Variants in MAPRE3 observed in about 807,000 individuals in gnomAD.
MAPRE3 encodes the protein microtubule-associated protein RP/EB family member 3.
A neutral mutation model predicts 30.5 loss-of-function variants in MAPRE3; 2 were observed. That is an observed-to-expected ratio of 0.07 (90% CI 0.03 to 0.21). The LOEUF (loss-of-function observed/expected upper bound fraction) is 0.21, where lower values mean the gene tolerates loss of function less well. MAPRE3 is among the 10% of genes least tolerant of loss of function. The pLI, the probability that MAPRE3 is intolerant of heterozygous loss-of-function variation, is 1.00. For missense variants in MAPRE3, 204 were observed against 351.8 expected, an observed-to-expected ratio of 0.58 and a Z score of 3.36; for synonymous variants, 110 against 127.7, an observed-to-expected ratio of 0.86 and a Z score of 0.93.
intron 1 of MAPRE3, among the ~76,000 whole-genome samples, chr2:26,989,110 A>C (rs1191895270): frequency 6.6e-6 from 1 of 152,132 alleles, no homozygotes. Context: ...AATGTATCCC[A>C]CATTGATAAA....
intron 1 of MAPRE3, among the ~76,000 whole-genome samples, chr2:26,973,237 T>TA (rs1665947920): frequency 6.6e-6 from 1 of 152,236 alleles, no homozygotes; most frequent in Admixed American, 6.5e-5. Context: ...ATGCTATTGA[T>TA]AGTATTCCTG....
chr2:27,013,752 A>G (rs1200225572), intron 1 of MAPRE3: 1 of 152,256 alleles, frequency 6.6e-6, no homozygotes, highest in Non-Finnish European at 1.5e-5. Flanking sequence ...CAGGACCCTG[A>G]TCAGAGGGTC....
In MAPRE3 at chr2:26,985,396, T is replaced by C. The variant is rs1272552782; in HGVS notation, c.-8+14594T>C. ...TTAGCCAGAGAGCATTCTGGCAGCA[T>C]AGATCTGAGTTGGTGAAGCTATTCC... On this transcript the variant is annotated intron_variant, in intron 1 of 6. Coordinates refer to ENST00000233121, the MANE Select transcript of MAPRE3 (RefSeq NM_012326.4). This position sits in a 1 kb window ranked among gnomAD's most constrained non-coding sequence, Gnocchi z 4.2. 6.6e-6 allele frequency among the ~76,000 whole-genome samples: 1 copy of C among 152,236 alleles called. No homozygotes were observed. Among genetic ancestry groups the C allele is most frequent in the Non-Finnish European group, 1.5e-5 (1 of 68,042 alleles).
chr2:26,983,355 A>C (rs1263812299), intron 1 of MAPRE3, among the ~76,000 whole-genome samples: 1 of 152,020 alleles, frequency 6.6e-6, no homozygotes, highest in African/African-American at 2.4e-5. Flanking sequence ...AACTCTCCCC[A>C]AGTACTGCTC....
At position 27,016,574 on chromosome 2, in the gene MAPRE3, C is replaced by T. The variant is rs564363765; in HGVS notation, c.-7-5638C>T. Among the ~76,000 whole-genome samples the T allele has an allele frequency of 1.1e-4, 17 of 151,958 alleles. No homozygotes were observed. In the South Asian group the frequency reaches 1.9e-3, roughly 17 times the overall value. On this transcript the variant is annotated intron_variant, in intron 1 of 6. Coordinates refer to ENST00000233121, the MANE Select transcript of MAPRE3 (RefSeq NM_012326.4). ...TAATTTTTTGTATTTTTAGTAGAGA[C>T]GGGGTTTCACCGTGTTAGCCAAGAT... is the stretch of plus-strand genomic sequence containing the variant.
chr2:27,016,351 G>A (rs1260594871), intron 1 of MAPRE3, among the ~76,000 whole-genome samples: 1 of 145,184 alleles, frequency 6.9e-6, no homozygotes. Flanking sequence ...GAACAAGTGT[G>A]TTATTATTAA....
chr2:26,986,176 G>A lies in MAPRE3; in HGVS notation c.-8+15374G>A, dbSNP rs984402814. Reference sequence around the variant, plus strand: ...CCCACATTCACTGGCTCCTGGCAGCGCATCACTCTGCTTCCATCATCACTG... The same window carrying A: ...CCCACATTCACTGGCTCCTGGCAGCACATCACTCTGCTTCCATCATCACTG... On this transcript the variant is annotated intron_variant, in intron 1 of 6. Transcript: ENST00000233121. This position sits in a 1 kb window ranked among gnomAD's most constrained non-coding sequence, Gnocchi z 4.2. Among the ~76,000 whole-genome samples the A allele has an allele frequency of 5.3e-5, 8 of 152,048 alleles. No homozygotes were observed. The highest frequency in any genetic ancestry group is 2.6e-4 in the Admixed American group (4 of 15,264).
rs774149078 is a variant in MAPRE3, at chr2:27,023,382, T to C, written c.172T>C (p.Leu58=). ...MDMLFPGCVH[L]RKVKFQAKLE... ...CATGCTCTTCCCCGGCTGTGTGCAC[T>C]TGAGGAAAGTGAAGTTCCAGGCCAA... Residue 58 remains leucine (L), a synonymous_variant, in exon 3 of 7, where the codon TTG becomes CTG. Transcript: ENST00000233121. 12 of 1,613,572 alleles carry C rather than the reference T, an allele frequency of 7.4e-6. No individual in the cohort carries two copies. The South Asian group carries it at 1.2e-4, about 16-fold the overall frequency.
chr2:26,996,261 C>A (rs912151162), intron 1 of MAPRE3, among the ~76,000 whole-genome samples: 1 of 151,704 alleles, frequency 6.6e-6, no homozygotes, highest in Non-Finnish European at 1.5e-5. Flanking sequence ...CCAGCTTGAT[C>A]CTCCCCACTC....
At chr2:27,023,617 A>AT (rs1334484893) in intron 3 of MAPRE3, 140 bp downstream of exon 3, 1 of 976,652 alleles carries the variant, frequency 1.0e-6, no homozygotes, top group African/African-American at 1.6e-5. Flanking sequence ...TCCAGAGGGA[A>AT]TTTTCCCCCT....
intron 1 of MAPRE3, chr2:27,009,780 C>G (rs1422200200): frequency 6.6e-6 from 1 of 152,278 alleles, no homozygotes; most frequent in Non-Finnish European, 1.5e-5. Flanking sequence ...TCTTACCTGC[C>G]TGATGAGTTT....
intron 1 of MAPRE3, among the ~76,000 whole-genome samples, chr2:26,995,731 C>G (rs1572753122): frequency 1.4e-5 from 2 of 145,492 alleles, no homozygotes; most frequent in African/African-American, 5.1e-5. Flanking sequence ...GGTTGGAGGC[C>G]AAATCAGAAT....
Position 27,026,470 on chromosome 2 carries a change from G to C in MAPRE3, c.*122G>C, listed in dbSNP as rs1667246991. The C allele has an allele frequency of 2.4e-6, 2 of 837,896 alleles. No homozygotes were observed. The highest frequency in any genetic ancestry group is 3.6e-5 in the South Asian group (2 of 56,166). 51.9% of individuals were successfully genotyped at this position (837,896 alleles called of 1,614,324 possible). On this transcript the variant is annotated 3_prime_UTR_variant, in exon 7 of 7. Coordinates refer to ENST00000233121, the MANE Select transcript of MAPRE3 (RefSeq NM_012326.4). The stretch of plus-strand genomic sequence containing the variant: ...TGCTTTGTGTCAGTGCTGCAGCACT[G>C]GGGAGCCAGGCGAGGGGGGCTTGGG...
chr2:27,026,590 GTC>G lies in MAPRE3; in HGVS notation c.*248_*249del, dbSNP rs1281330801. On this transcript the variant is annotated 3_prime_UTR_variant, in exon 7 of 7. Coordinates refer to ENST00000233121, the MANE Select transcript of MAPRE3 (RefSeq NM_012326.4). ...CACACCCACCCTATTTATTTCCGTT[GTC>G]TCTCTGCTGTGTCGCCCAACACTTC... The G allele has an allele frequency of 8.6e-6, 4 of 466,090 alleles. No individual in the cohort carries two copies. Among genetic ancestry groups the G allele is most frequent in the Non-Finnish European group, 1.1e-5 (3 of 265,026 alleles). The allele number at this position is 466,090 out of a possible 1,614,324, so 28.9% of individuals were successfully genotyped here. A position where few individuals can be genotyped will look rare whatever the true frequency, so the allele number is the denominator to read the frequency against.
chr2:26,994,824 C>CTTT (rs59415017), intron 1 of MAPRE3, among the ~76,000 whole-genome samples: 32 of 76,740 alleles, frequency 4.2e-4, no homozygotes, highest in African/African-American at 1.5e-3. Context: ...TCTTCTTCTT[C>CTTT]TTTTTTTTTT....
At chr2:27,019,271 A>G (rs943482208) in intron 1 of MAPRE3, among the ~76,000 whole-genome samples, 8 of 150,838 alleles carry the variant, frequency 5.3e-5, no homozygotes, top group African/African-American at 1.9e-4. Context: ...TCATGGGCAC[A>G]TGTCTCCCAC....
intron 3 of MAPRE3, chr2:27,023,777 C>G (rs908137906): frequency 3.7e-5 from 19 of 507,122 alleles, no homozygotes; most frequent in Non-Finnish European, 6.5e-5. Context: ...CTCTGTAGGG[C>G]CCAAGAAAGT....
chr2:27,018,881 G>A (rs1204669536), intron 1 of MAPRE3, among the ~76,000 whole-genome samples: 1 of 144,834 alleles, frequency 6.9e-6, no homozygotes, highest in Non-Finnish European at 1.5e-5. Context: ...GGTGGAAGGG[G>A]CAGGCACACA....
intron 1 of MAPRE3, among the ~76,000 whole-genome samples, chr2:26,995,819 G>GTGTGTGTGTA (rs1666444250): frequency 6.7e-6 from 1 of 149,978 alleles, no homozygotes; most frequent in Non-Finnish European, 1.5e-5. Context: ...GTGTGTGTGT[G>GTGTGTGTGTA]TGTGTGTGTG....
Sources: allele counts gnomAD v4.1 joint callset (sites outside exome capture counted in the v4.1 genomes callset), GRCh38; gene constraint gnomAD v4.1.1; non-coding constraint Gnocchi (gnomAD v3.1); transcripts MANE v1.5; gene names NCBI Gene and HGNC (gene_info 2026-07-23, HGNC 2026-07-21).